The following FHL5 variants were observed in gnomAD, a reference collection of about 807,000 sequenced individuals.
FHL5 encodes the protein four and a half LIM domains protein 5.
FHL5 carries 33 observed loss-of-function variants against 32.0 expected under a neutral mutation model. That is an observed-to-expected ratio of 1.03 (90% CI 0.78 to 1.38). The LOEUF is 1.38. FHL5 is among the 40% of genes most tolerant of loss of function. The pLI, the probability that FHL5 is intolerant of heterozygous loss-of-function variation, is 0.00. For synonymous variants in FHL5, 114 were observed against 113.6 expected (o/e 1.00, Z -0.02); for missense variants, 336 against 343.9 (o/e 0.98, Z 0.18).
chr6:96,602,525 C>A (rs1771175923), intron 1 of FHL5, among the ~76,000 whole-genome samples: 1 of 140,320 alleles, frequency 7.1e-6, no homozygotes, highest in African/African-American at 2.7e-5. Flanking sequence ...CGGCTCACTG[C>A]AAGCTCCGCC....
At chr6:96,614,229 G>T (rs1209641842) in intron 5 of FHL5, among the ~76,000 whole-genome samples, 2 of 147,172 alleles carry the variant, frequency 1.4e-5, no homozygotes, top group Non-Finnish European at 3.1e-5. Context: ...GCATCAAAAT[G>T]CTAGACATGT....
At chr6:96,565,595 T>G (rs184858779) in intron 1 of FHL5, among the ~76,000 whole-genome samples, 1 of 152,296 alleles carries the variant, frequency 6.6e-6, no homozygotes, top group East Asian at 1.9e-4. Flanking sequence ...ACTCACCAAA[T>G]GGATCCTGAG....
chr6:96,614,424 G>T (rs1233156229), intron 5 of FHL5, among the ~76,000 whole-genome samples: 1 of 152,092 alleles, frequency 6.6e-6, no homozygotes, highest in African/African-American at 2.4e-5. Flanking sequence ...GGAAAGTAGA[G>T]AAATTTGATG....
At chr6:96,609,345 T>C (rs1037273343) in intron 4 of FHL5, among the ~76,000 whole-genome samples, 9 of 152,102 alleles carry the variant, frequency 5.9e-5, no homozygotes, top group Non-Finnish European at 1.3e-4. Flanking sequence ...ATAAAACACT[T>C]ACAAAAACAC....
At chr6:96,562,741 C>G (rs746235026), upstream of FHL5, 2 of 152,092 alleles carry the variant, frequency 1.3e-5, no homozygotes, top group African/African-American at 4.8e-5. Context: ...GGGACCTCAT[C>G]CCTTTCCAGA....
chr6:96,574,910 C>A (rs1412635703), intron 1 of FHL5, among the ~76,000 whole-genome samples: 2 of 152,018 alleles, frequency 1.3e-5, no homozygotes, highest in Non-Finnish European at 2.9e-5. Flanking sequence ...TATCAGAATT[C>A]CACCTGGGAA....
At chr6:96,567,303 T>C (rs1425040481) in intron 1 of FHL5, among the ~76,000 whole-genome samples, 10 of 151,986 alleles carry the variant, frequency 6.6e-5, no homozygotes, top group East Asian at 1.9e-4. Flanking sequence ...GCTGTAAATA[T>C]GTGAATTTAT....
At chr6:96,588,711 G>A (rs1054872733) in intron 1 of FHL5, among the ~76,000 whole-genome samples, 1 of 151,764 alleles carries the variant, frequency 6.6e-6, no homozygotes. Flanking sequence ...CAAGCTAATG[G>A]AAAAACAGTC....
intron 1 of FHL5, among the ~76,000 whole-genome samples, chr6:96,565,410 A>G (rs767631472): frequency 6.6e-6 from 1 of 152,152 alleles, no homozygotes; most frequent in Non-Finnish European, 1.5e-5. Flanking sequence ...TATAATTAAA[A>G]CAGCTGTGTT....
chr6:96,604,468 T>C (rs909386440), intron 2 of FHL5, among the ~76,000 whole-genome samples: 1 of 152,140 alleles, frequency 6.6e-6, no homozygotes, highest in Non-Finnish European at 1.5e-5. Flanking sequence ...ACCTCTATTA[T>C]AGTTTATAAA....
chr6:96,594,685 G>GTATCATATATC (rs1299473618), intron 1 of FHL5, among the ~76,000 whole-genome samples: 1 of 151,830 alleles, frequency 6.6e-6, no homozygotes, highest in African/African-American at 2.4e-5. Context: ...GGTTTAAAAT[G>GTATCATATATC]TATCATATAT....
intron 1 of FHL5, among the ~76,000 whole-genome samples, chr6:96,588,003 T>C (rs1770833479): frequency 6.6e-6 from 1 of 152,214 alleles, no homozygotes; most frequent in Admixed American, 6.5e-5. Context: ...TTTTTTGCTA[T>C]GGCTAGTATA....
At chr6:96,597,611 T>C (rs1465794271) in intron 1 of FHL5, among the ~76,000 whole-genome samples, 1 of 152,238 alleles carries the variant, frequency 6.6e-6, no homozygotes, top group African/African-American at 2.4e-5. Context: ...AAGCCATTGA[T>C]GACCTTGCCC....
At chr6:96,614,933 T>C (rs1771485646) in intron 5 of FHL5, among the ~76,000 whole-genome samples, 1 of 152,200 alleles carries the variant, frequency 6.6e-6, no homozygotes, top group South Asian at 2.1e-4. Context: ...CGTGGCTTCA[T>C]TGGCCAGATT....
At chr6:96,614,702 C>T (rs1771480760) in intron 5 of FHL5, among the ~76,000 whole-genome samples, 1 of 152,164 alleles carries the variant, frequency 6.6e-6, no homozygotes, top group Non-Finnish European at 1.5e-5. Flanking sequence ...AAGCCTAGGG[C>T]ATCTCAACCT....
chr6:96,578,913 T>C (rs1770642719), intron 1 of FHL5, among the ~76,000 whole-genome samples: 1 of 152,154 alleles, frequency 6.6e-6, no homozygotes, highest in Non-Finnish European at 1.5e-5. Context: ...TTCTACTAAG[T>C]ATTTGCGAAA....
intron 1 of FHL5, among the ~76,000 whole-genome samples, chr6:96,599,671 G>T (rs1771110452): frequency 6.6e-6 from 1 of 152,110 alleles, no homozygotes; most frequent in Non-Finnish European, 1.5e-5. Flanking sequence ...ATCCCAATAT[G>T]CAAAGATAAA....
At chr6:96,591,535 T>G (rs1770917561) in intron 1 of FHL5, among the ~76,000 whole-genome samples, 1 of 152,166 alleles carries the variant, frequency 6.6e-6, no homozygotes, top group African/African-American at 2.4e-5. Flanking sequence ...CTGAAAATGC[T>G]TTTACCTTCA....
chr6:96,566,661 T>A (rs11153059), intron 1 of FHL5, among the ~76,000 whole-genome samples: 23,744 of 150,706 alleles, frequency 0.16, 2,038 homozygotes, highest in Middle Eastern at 0.27. Flanking sequence ...TTGTCAGCAT[T>A]TTTTTTTTGT....
Sources: gnomAD v4.1 joint callset for allele counts (sites outside exome capture counted in the v4.1 genomes callset) on GRCh38, gnomAD v4.1.1 for gene constraint, MANE v1.5 for transcripts, NCBI Gene and HGNC (gene_info 2026-07-23, HGNC 2026-07-21) for gene names.